SPATA31C1: variants seen among roughly 807,000 people sequenced by gnomAD.
SPATA31C1 encodes SPATA31 subfamily C member 1.
intron 1 of SPATA31C1, among the ~76,000 whole-genome samples, chr9:87,915,315 G>A (rs905546206): frequency 2.9e-5 from 4 of 137,040 alleles, no homozygotes; most frequent in South Asian, 5.2e-4. Context: ...GTGTGTTTGT[G>A]TGTTATTTTT....
intron 4 of SPATA31C1, 85 bp downstream of exon 3, chr9:87,920,061 G>C (rs1006324820): frequency 6.2e-7 from 1 of 1,608,484 alleles, no homozygotes; most frequent in African/African-American, 1.3e-5. Context: ...GCTGACCTGG[G>C]ATGGGGAGAC....
chr9:87,921,100 C>T, exon 5 of SPATA31C1: 1 of 1,611,616 alleles, frequency 6.2e-7, no homozygotes, highest in Non-Finnish European at 8.5e-7. Context: ...CTCTCCTTAC[C>T]TGAAACTCAG....
chr9:87,923,186 C>G, exon 5 of SPATA31C1: 1 of 1,603,280 alleles, frequency 6.2e-7, no homozygotes, highest in Non-Finnish European at 8.5e-7. Context: ...AGTTTCAAGC[C>G]CCAGTCTGTG....
At chr9:87,921,953 G>A (rs776005786) in exon 5 of SPATA31C1, 1 of 1,612,472 alleles carries the variant, frequency 6.2e-7, no homozygotes, top group African/African-American at 1.3e-5. Flanking sequence ...AACTGGAAAA[G>A]GTTTCATCCT....
At chr9:87,920,791 C>G in exon 5 of SPATA31C1, 1 of 1,613,904 alleles carries the variant, frequency 6.2e-7, no homozygotes, top group Non-Finnish European at 8.5e-7. Flanking sequence ...CTCTCCTGGT[C>G]GCAGGAGACT....
exon 5 of SPATA31C1, chr9:87,920,726 G>T: frequency 6.2e-7 from 1 of 1,613,948 alleles, no homozygotes; most frequent in Non-Finnish European, 8.5e-7. Context: ...AGGATTTGGC[G>T]GCTTCTGTCC....
chr9:87,921,928 C>G, exon 5 of SPATA31C1: 1 of 1,612,092 alleles, frequency 6.2e-7, no homozygotes, highest in Non-Finnish European at 8.5e-7. Context: ...GTCCTCAAGC[C>G]CATTCAGTGC....
At chr9:87,920,989 C>A in exon 5 of SPATA31C1, 1 of 1,612,864 alleles carries the variant, frequency 6.2e-7, no homozygotes. Flanking sequence ...GAGGCTCAGG[C>A]CCATCTTCAA....
At chr9:87,916,074 A>C (rs1048732491) in intron 1 of SPATA31C1, among the ~76,000 whole-genome samples, 2 of 143,264 alleles carry the variant, frequency 1.4e-5, no homozygotes, top group Admixed American at 1.4e-4. Context: ...AGCAGGGTGG[A>C]GGGGTGGTAG....
rs779224921 is a variant in SPATA31C1 at position 87,922,262 on chromosome 9, C to A, written n.2652C>A. The A allele has an allele frequency of 5.6e-6, 9 of 1,612,692 alleles. No individual in the cohort carries two copies. In the Admixed American group the frequency reaches 1.2e-4, roughly 21 times the overall value. ...AGCCCCTCACATACAGCCTCAAAGGCAGCACCCAGCAGAGCAGGAGCTTAG... is the reference window on the plus strand; with the variant it reads ...AGCCCCTCACATACAGCCTCAAAGGAAGCACCCAGCAGAGCAGGAGCTTAG... On this transcript the variant is annotated non_coding_transcript_exon_variant, in exon 5 of 5. Coordinates refer to ENST00000420021, the Ensembl canonical transcript of SPATA31C1.
chr9:87,919,121 G>A (rs1431686278), intron 2 of SPATA31C1, 134 bp from the exon 2 acceptor site: 10 of 1,352,556 alleles, frequency 7.4e-6, no homozygotes, highest in South Asian at 1.2e-5. Flanking sequence ...TTAAACATGA[G>A]TGGGAGGGGA....
At chr9:87,917,075 T>TA (rs1201491271) in intron 1 of SPATA31C1, among the ~76,000 whole-genome samples, 1 of 129,766 alleles carries the variant, frequency 7.7e-6, no homozygotes, top group Non-Finnish European at 1.7e-5. Context: ...AATAGAATTT[T>TA]AAAAAAATCT....
exon 5 of SPATA31C1, chr9:87,922,241 C>G: frequency 6.2e-7 from 1 of 1,613,216 alleles, no homozygotes; most frequent in Non-Finnish European, 8.5e-7. Flanking sequence ...CATCTAAGCC[C>G]CTCACATACA....
chr9:87,920,611 G>T (rs1188531802), exon 5 of SPATA31C1: 1 of 1,613,580 alleles, frequency 6.2e-7, no homozygotes, highest in Admixed American at 1.7e-5. Flanking sequence ...CCTCCGAAAG[G>T]CTTCACTCCT....
At chr9:87,920,321 G>A (rs777975408) in exon 5 of SPATA31C1, 88 of 1,613,818 alleles carry the variant, frequency 5.5e-5, no homozygotes, top group Non-Finnish European at 7.0e-5. Flanking sequence ...CAGGTGAGGT[G>A]GGCAAAAGAA....
exon 5 of SPATA31C1, chr9:87,920,814 T>G: frequency 1.2e-6 from 2 of 1,613,812 alleles, no homozygotes; most frequent in Non-Finnish European, 1.7e-6. Context: ...CAAAACCTGG[T>G]GCATCTTCAA....
chr9:87,923,142 C>T (rs747019285), exon 5 of SPATA31C1: 31 of 1,603,152 alleles, frequency 1.9e-5, no homozygotes, highest in South Asian at 4.4e-5. Context: ...TTGCCATGCG[C>T]GCCATGCCTC....
exon 5 of SPATA31C1, chr9:87,921,304 G>A (rs1477272113): frequency 2.5e-6 from 4 of 1,611,956 alleles, no homozygotes; most frequent in East Asian, 2.2e-5. Context: ...ATGGGGCAAC[G>A]TGGAAGGATC....
At chr9:87,920,803 C>T (rs752325681) in exon 5 of SPATA31C1, 1 of 1,613,798 alleles carries the variant, frequency 6.2e-7, no homozygotes, top group East Asian at 2.2e-5. Flanking sequence ...CAGGAGACTA[C>T]CAAAACCTGG....
Sources: allele counts gnomAD v4.1 joint callset (sites outside exome capture counted in the v4.1 genomes callset), GRCh38; gene constraint gnomAD v4.1.1; transcripts MANE v1.5; gene names NCBI Gene and HGNC (gene_info 2026-07-23, HGNC 2026-07-21).